Variants in FADS1 observed in about 807,000 individuals in gnomAD.
The protein encoded by FADS1 is fatty acid desaturase 1.
A neutral mutation model predicts 61.6 loss-of-function variants in FADS1; 17 were observed. That is an observed-to-expected ratio of 0.28 (90% CI 0.19 to 0.41). The LOEUF (loss-of-function observed/expected upper bound fraction) is 0.41. Among genes scored for constraint, FADS1 ranks in the 10% least tolerant of loss-of-function variants. The pLI, the probability that FADS1 is intolerant of heterozygous loss-of-function variation, is 1.00. For synonymous variants in FADS1, 238 were observed against 258.7 expected, an observed-to-expected ratio of 0.92 and a Z score of 0.77; for missense variants, 387 against 650.9, an observed-to-expected ratio of 0.59 and a Z score of 4.41.
Position 61,802,982 on chromosome 11 carries a change from C to A in FADS1, c.1328+50G>T. 1 of 1,613,872 alleles carries A rather than the reference C, an allele frequency of 6.2e-7. No homozygotes were observed. The highest frequency in any genetic ancestry group is 8.5e-7 in the Non-Finnish European group (1 of 1,179,864). On this transcript the variant is annotated intron_variant, in intron 10 of 11. Transcript: ENST00000350997. The surrounding 1 kb of genome is among the most constrained non-coding windows in gnomAD (Gnocchi z 4.2). ...CTGCTTCTCTGCTCCCACCTGTACC[C>A]AACACTTACACCCTCCCCAGGACCC...
Position 61,801,145 on chromosome 11 carries a change from T to A in FADS1, c.*1266A>T, listed in dbSNP as rs955427518. 2.0e-5 allele frequency: 3 copies of A among 152,372 alleles called. No individual in the cohort carries two copies. The highest frequency in any genetic ancestry group is 7.2e-5 in the African/African-American group (3 of 41,464). The allele number at this position is 152,372 out of a possible 1,614,324, so 9.4% of individuals were successfully genotyped here. On this transcript the variant is annotated 3_prime_UTR_variant, in exon 12 of 12. Transcript: ENST00000350997. ...TTCTGCTCCTGCTCAAAAATAATTC[T>A]ATAACATCATTTAGGTTATAGAAAG...
chr11:61,816,806 G>A lies in FADS1; in HGVS notation c.124C>T (p.Arg42Cys), dbSNP rs1248954330. 14 of 1,497,278 alleles carry A rather than the reference G, an allele frequency of 9.4e-6. No homozygotes were observed. The highest frequency in any genetic ancestry group is 1.2e-5 in the Non-Finnish European group (14 of 1,133,150). The allele number at this position is 1,497,278 out of a possible 1,614,324, so 92.7% of individuals were successfully genotyped here. ...HSWSPRTPST[R>C]LTAPAGPARG... ...GCCGGGCCAGCAGGGGCTGTCAGGCGCGTGCTCGGGGTCCGCGGGCTCCAG... is the reference window on the plus strand; with the variant it reads ...GCCGGGCCAGCAGGGGCTGTCAGGCACGTGCTCGGGGTCCGCGGGCTCCAG... The change falls in exon 1 of 12, where the codon CGC becomes TGC. Residue 42 changes from arginine (R) to cysteine (C), a missense_variant. Coordinates refer to ENST00000350997, the MANE Select transcript of FADS1 (RefSeq NM_013402.7). The surrounding 1 kb of genome is among the most constrained non-coding windows in gnomAD (Gnocchi z 7.0).
rs766451796 is a variant in FADS1, at chr11:61,810,871, G to A, written c.795C>T (p.Pro265=). 8.1e-6 allele frequency: 13 copies of A among 1,614,046 alleles called. No homozygotes were observed. Among genetic ancestry groups the A allele is most frequent in the African/African-American group, 5.3e-5 (4 of 74,926 alleles). The change falls in exon 5 of 12, where the codon CCC becomes CCT. Residue 265 remains proline, a synonymous_variant. Transcript: ENST00000350997. ...AGTGCATGTGGTTCCACCAACTGGC[G>A]GGGGCCCCCTACAGAAAAGCAGGGA... ...HFVIGHLKGA[P]ASWWNHMHFQ...
At chr11:61,805,148 T>C (rs1350975512) in intron 6 of FADS1, 1 of 333,916 alleles carries the variant, frequency 3.0e-6, no homozygotes, top group Non-Finnish European at 5.4e-6. Flanking sequence ...AAAAGGGTGC[T>C]AATACTCTCT....
intron 3 of FADS1, 65 bp downstream of exon 3, chr11:61,812,406 A>AC: frequency 6.6e-7 from 1 of 1,509,024 alleles, no homozygotes; most frequent in Non-Finnish European, 9.2e-7. Context: ...TTCCTCAAAC[A>AC]CCCAAGGAGC....
In FADS1 at chr11:61,810,883, C is replaced by A. The variant is rs111407349; in HGVS notation, c.787-4G>T. 3.7e-6 allele frequency: 6 copies of A among 1,614,170 alleles called. No individual in the cohort carries two copies. Among genetic ancestry groups the A allele is most frequent in the Admixed American group, 3.3e-5 (2 of 60,018 alleles). ...TCCACCAACTGGCGGGGGCCCCCTA[C>A]AGAAAAGCAGGGACACGAGTATGAA... On this transcript the variant is annotated splice_polypyrimidine_tract_variant and splice_region_variant and intron_variant, in intron 4 of 11. Transcript: ENST00000350997.
chr11:61,816,112 C>T lies in FADS1; in HGVS notation c.375+443G>A. 1.5e-6 allele frequency: 1 copy of T among 687,842 alleles called. No individual in the cohort carries two copies. Among genetic ancestry groups the T allele is most frequent in the African/African-American group, 1.8e-5 (1 of 55,508 alleles). 42.6% of individuals were successfully genotyped at this position (687,842 alleles called of 1,614,324 possible). ...GCGAGTGGAGACCGGCACCTAGGTC[C>T]AGACGCGGCTGCGCTGCCTCTCCTA... On this transcript the variant is annotated intron_variant, in intron 1 of 11. Transcript: ENST00000350997. This position sits in a 1 kb window ranked among gnomAD's most constrained non-coding sequence, Gnocchi z 7.0.
intron 3 of FADS1, 39 bp from the exon 4 acceptor site, chr11:61,811,114 C>T (rs770903333): frequency 2.0e-6 from 3 of 1,520,340 alleles, no homozygotes; most frequent in Middle Eastern, 1.7e-4. Flanking sequence ...AGCCCACCAG[C>T]CCCAGTGTCG....
At position 61,811,966 on chromosome 11, in the gene FADS1, G is replaced by A. The variant is rs1315743649; in HGVS notation, c.684+505C>T. 8.2e-6 allele frequency: 3 copies of A among 365,722 alleles called. No homozygotes were observed. The Admixed American group carries it at 9.1e-5, about 11-fold the overall frequency. The allele number at this position is 365,722 out of a possible 1,614,324, so 22.7% of individuals were successfully genotyped here. ...GAGATCAAGTGATCCGGCCACCTTG[G>A]CCTCCCAAAGTGCTAGGATTACAGA... On this transcript the variant is annotated intron_variant, in intron 3 of 11. Coordinates refer to ENST00000350997, the MANE Select transcript of FADS1 (RefSeq NM_013402.7).
chr11:61,812,112 C>T (rs1223082081), intron 3 of FADS1: 6 of 342,852 alleles, frequency 1.8e-5, no homozygotes, highest in Non-Finnish European at 2.8e-5. Flanking sequence ...CAAGAATTAG[C>T]GCTCAATCAT....
rs1322584248 is a variant in FADS1 at position 61,802,310 on chromosome 11, C to T, written c.*101G>A. The T allele has an allele frequency of 1.7e-5, 18 of 1,071,078 alleles. No homozygotes were observed. Among genetic ancestry groups the T allele is most frequent in the Non-Finnish European group, 2.5e-5 (18 of 713,178 alleles). 66.3% of individuals were successfully genotyped at this position (1,071,078 alleles called of 1,614,324 possible). A position where few individuals can be genotyped will look rare whatever the true frequency, so the allele number is the denominator to read the frequency against. On this transcript the variant is annotated 3_prime_UTR_variant, in exon 12 of 12. Transcript: ENST00000350997. The surrounding 1 kb of genome is among the most constrained non-coding windows in gnomAD (Gnocchi z 4.2). ...GCTTTATGTCCCCAAACCCAACCCC[C>T]TCTGAGTATTAAACTATAGTGGCAT...
chr11:61,815,143 G>A lies in FADS1; in HGVS notation c.375+1412C>T, dbSNP rs950491849. On this transcript the variant is annotated intron_variant, in intron 1 of 11. Coordinates refer to ENST00000350997, the MANE Select transcript of FADS1 (RefSeq NM_013402.7). This position sits in a 1 kb window ranked among gnomAD's most constrained non-coding sequence, Gnocchi z 6.4. ...GGCAGGTCCGGCAGCCCCGGGCCCTGTAAGTGATGCGGCGTGTGGGGCGGG... is the reference window on the plus strand; with the variant it reads ...GGCAGGTCCGGCAGCCCCGGGCCCTATAAGTGATGCGGCGTGTGGGGCGGG... 6.1e-6 allele frequency: 1 copy of A among 163,382 alleles called. No homozygotes were observed. The highest frequency in any genetic ancestry group is 1.5e-5 in the Non-Finnish European group (1 of 68,362). The allele number at this position is 163,382 out of a possible 1,614,324, so 10.1% of individuals were successfully genotyped here. A position where few individuals can be genotyped will look rare whatever the true frequency, so the allele number is the denominator to read the frequency against.
chr11:61,805,112 A>C (rs1198676206), intron 6 of FADS1: 4 of 426,172 alleles, frequency 9.4e-6, no homozygotes, highest in Non-Finnish European at 1.7e-5. Context: ...TTTTCTACAT[A>C]CACACTCCAA....
At chr11:61,806,511 G>A in intron 6 of FADS1, 153 bp downstream of exon 6, 1 of 676,614 alleles carries the variant, frequency 1.5e-6, no homozygotes, top group Admixed American at 2.4e-5. Flanking sequence ...ATGGCAAACT[G>A]CTGTCATGCA....
At chr11:61,806,348 C>CAAAAAA in intron 6 of FADS1, 1 of 155,922 alleles carries the variant, frequency 6.4e-6, no homozygotes, top group Non-Finnish European at 1.2e-5. Flanking sequence ...GACTCCGTCT[C>CAAAAAA]AAAAAAAAAA....
chr11:61,811,526 G>C (rs996889166), intron 3 of FADS1, among the ~76,000 whole-genome samples: 4 of 151,790 alleles, frequency 2.6e-5, no homozygotes, highest in Non-Finnish European at 5.9e-5. Flanking sequence ...GGCTGGTCTC[G>C]AACTCCTGAC....
rs763050225 is a variant in FADS1, at chr11:61,816,349, C to T, written c.375+206G>A. 8 of 1,598,396 alleles carry T rather than the reference C, an allele frequency of 5.0e-6. No homozygotes were observed. The highest frequency in any genetic ancestry group is 5.9e-6 in the Non-Finnish European group (7 of 1,179,778). ...CGTGTTGTTGGCCTCCATCCCCACTCCCCAGACTCCACTTCTCCAGGCCTC... is the reference window on the plus strand; with the variant it reads ...CGTGTTGTTGGCCTCCATCCCCACTTCCCAGACTCCACTTCTCCAGGCCTC... On this transcript the variant is annotated intron_variant, in intron 1 of 11. Coordinates refer to ENST00000350997, the MANE Select transcript of FADS1 (RefSeq NM_013402.7). The surrounding 1 kb of genome is among the most constrained non-coding windows in gnomAD (Gnocchi z 7.0).
chr11:61,807,658 A>G (rs1591151766), intron 5 of FADS1, among the ~76,000 whole-genome samples: 1 of 152,318 alleles, frequency 6.6e-6, no homozygotes, highest in South Asian at 2.1e-4. Context: ...TGGGGCCACC[A>G]TGTCAACCAG....
rs769766778 is a variant in FADS1, at chr11:61,802,939, C to T, written c.1329-13G>A. ...CGTGGGAAAAAGACTTTAGGGAGAA[C>T]GGGGGAGTCAGTGGTTCCTGCTTCT... On this transcript the variant is annotated splice_polypyrimidine_tract_variant and intron_variant, in intron 10 of 11. Transcript: ENST00000350997. This position sits in a 1 kb window ranked among gnomAD's most constrained non-coding sequence, Gnocchi z 4.2. 5.4e-5 allele frequency: 87 copies of T among 1,612,682 alleles called. No individual in the cohort carries two copies. In the Admixed American group the frequency reaches 8.0e-4, roughly 15 times the overall value.
Sources: gnomAD v4.1 joint callset for allele counts (sites outside exome capture counted in the v4.1 genomes callset) on GRCh38, gnomAD v4.1.1 for gene constraint, Gnocchi (gnomAD v3.1) non-coding constraint, MANE v1.5 for transcripts, NCBI Gene and HGNC (gene_info 2026-07-23, HGNC 2026-07-21) for gene names.